ACACB: variants seen among roughly 807,000 people sequenced by gnomAD.
ACACB encodes acetyl-CoA carboxylase 2.
In ACACB, 209 loss-of-function variants were observed where a neutral mutation model predicts 278.8. That is an observed-to-expected ratio of 0.75 (90% CI 0.67 to 0.84). ACACB has a LOEUF of 0.84. Among genes scored for constraint, ACACB ranks in the 40% least tolerant of loss-of-function variants. The probability of loss-of-function intolerance (pLI) is 0.00; values close to 1 mark genes in which losing one functional copy is unlikely to be tolerated. For synonymous variants in ACACB, 1,174 were observed against 1,285.6 expected, an observed-to-expected ratio of 0.91 and a Z score of 1.86; for missense variants, 2,850 against 3,269.0, an observed-to-expected ratio of 0.87 and a Z score of 3.13.
rs1216217057 is a variant in ACACB at position 109,167,621 on chromosome 12, G to GTATATATATATATATATATATATATA, written c.787-267_787-242dup. Among the ~76,000 whole-genome samples the GTATATATATATATATATATATATATA allele has an allele frequency of 1.3e-3, 104 of 77,474 alleles. 2 individuals carry two copies. The highest frequency in any genetic ancestry group is 2.7e-3 in the East Asian group (4 of 1,496). 50.8% of individuals were successfully genotyped at this position (77,474 alleles called of 152,430 possible). On this transcript the variant is annotated intron_variant, in intron 3 of 52. Transcript: ENST00000338432. ...CTCAAAAAAAAAAATATATGTATGT[G>GTATATATATATATATATATATATATA]TATATATATATATATATATATATAT...
chr12:109,167,960 A>G lies in ACACB; in HGVS notation c.851A>G (p.Tyr284Cys), dbSNP rs1224433870. Reference sequence around the variant, plus strand: ...ATGCGCTCCATCCGCAGGTGGGCCTATGAGATGTTCCGCAACGAGCGGGCC... The same window carrying G: ...ATGCGCTCCATCCGCAGGTGGGCCTGTGAGATGTTCCGCAACGAGCGGGCC... ...KCMRSIRRWA[Y>C]EMFRNERAIR... Residue 284 changes from tyrosine (Y) to cysteine (C), a missense_variant, in exon 4 of 53, where the codon TAT becomes TGT. By Grantham distance (194) the Tyr-to-Cys change is radical. Coordinates refer to ENST00000338432, the MANE Select transcript of ACACB (RefSeq NM_001093.4). The G allele has an allele frequency of 3.1e-6, 5 of 1,613,920 alleles. No homozygotes were observed. The highest frequency in any genetic ancestry group is 2.2e-5 in the East Asian group (1 of 44,808).
At chr12:109,112,688 CAAAAAA>C (rs57131257), upstream of ACACB, among the ~76,000 whole-genome samples, 3 of 103,338 alleles carry the variant, frequency 2.9e-5, no homozygotes, top group African/African-American at 3.2e-5. Context: ...AACTCCGTCT[CAAAAAA>C]AAAAAAAAAA....
At chr12:109,118,261 C>T (rs2042455970) in intron 1 of ACACB, among the ~76,000 whole-genome samples, 2 of 152,064 alleles carry the variant, frequency 1.3e-5, no homozygotes, top group South Asian at 2.1e-4. Flanking sequence ...TGTGTAAACT[C>T]GCTCATACTT....
chr12:109,191,718 C>T lies in ACACB; in HGVS notation c.2250C>T (p.Asp750=). ...LLETESFQNN[D]IDTGWLDYLI... Reference sequence around the variant, plus strand: ...AGACCGAGAGCTTCCAGAACAACGACATCGACACCGGGTGGTTGGACTACC... The same window carrying T: ...AGACCGAGAGCTTCCAGAACAACGATATCGACACCGGGTGGTTGGACTACC... Residue 750 remains aspartate (D), a synonymous_variant, in exon 14 of 53, where the codon GAC becomes GAT. Coordinates refer to ENST00000338432, the MANE Select transcript of ACACB (RefSeq NM_001093.4). 2 of 1,614,226 alleles carry T rather than the reference C, an allele frequency of 1.2e-6. No homozygotes were observed. The highest frequency in any genetic ancestry group is 1.7e-6 in the Non-Finnish European group (2 of 1,180,044).
At chr12:109,222,641 C>G (rs765478995) in intron 25 of ACACB, 21 bp downstream of exon 25, 1 of 1,598,966 alleles carries the variant, frequency 6.3e-7, no homozygotes, top group South Asian at 1.1e-5. Flanking sequence ...AGGGTGCGGT[C>G]CCCACGATGT....
At chr12:109,131,707 G>A (rs2042832797) in intron 1 of ACACB, among the ~76,000 whole-genome samples, 1 of 152,176 alleles carries the variant, frequency 6.6e-6, no homozygotes, top group South Asian at 2.1e-4. Flanking sequence ...ACAGGCAGCT[G>A]TTGCTTGGGT....
At chr12:109,183,635 A>G (rs757081223) in intron 11 of ACACB, among the ~76,000 whole-genome samples, 5 of 151,918 alleles carry the variant, frequency 3.3e-5, no homozygotes, top group Non-Finnish European at 5.9e-5. Flanking sequence ...TTGATTTTGT[A>G]TCCTGTAGAT....
intron 11 of ACACB, among the ~76,000 whole-genome samples, chr12:109,183,849 A>G (rs887334187): frequency 6.6e-6 from 1 of 151,834 alleles, no homozygotes; most frequent in African/African-American, 2.4e-5. Context: ...TACGTTGCCC[A>G]GGCTGGTCTC....
intron 7 of ACACB, 116 bp downstream of exon 7, chr12:109,174,346 A>G (rs776481220): frequency 2.5e-5 from 20 of 815,352 alleles, no homozygotes; most frequent in Non-Finnish European, 3.4e-5. Context: ...AATGTTACTT[A>G]CTTTTATTTT....
intron 44 of ACACB, 105 bp from the exon 45 acceptor site, chr12:109,256,035 G>T (rs2047215083): frequency 3.7e-6 from 3 of 807,944 alleles, no homozygotes; most frequent in Non-Finnish European, 6.2e-6. Flanking sequence ...GGGCTATGAG[G>T]TTAAAGCCAG....
chr12:109,261,823 A>G lies in ACACB; in HGVS notation c.6675-534A>G, dbSNP rs572836079. Among the ~76,000 whole-genome samples the G allele has an allele frequency of 6.6e-5, 10 of 150,532 alleles. No individual in the cohort carries two copies. In the South Asian group the frequency reaches 1.9e-3, roughly 29 times the overall value. On this transcript the variant is annotated intron_variant, in intron 48 of 52. Coordinates refer to ENST00000338432, the MANE Select transcript of ACACB (RefSeq NM_001093.4). ...GAGGCAGAGATTGTAGTGAACCGAG[A>G]TAGTGCCACTGCACTCCAGCCTGGG... is the stretch of plus-strand genomic sequence containing the variant.
chr12:109,265,855 G>A (rs1274003445), intron 52 of ACACB, among the ~76,000 whole-genome samples: 1 of 152,272 alleles, frequency 6.6e-6, no homozygotes, highest in Non-Finnish European at 1.5e-5. Flanking sequence ...GGAACCGCTA[G>A]CCTTCAGGCT....
intron 11 of ACACB, 33 bp downstream of exon 11, chr12:109,180,120 T>G: frequency 6.2e-7 from 1 of 1,601,318 alleles, no homozygotes; most frequent in Non-Finnish European, 8.5e-7. Flanking sequence ...CTGGGACTTC[T>G]CTGCCCTGGG....
intron 19 of ACACB, among the ~76,000 whole-genome samples, chr12:109,205,182 G>A (rs994603318): frequency 1.3e-5 from 2 of 152,158 alleles, no homozygotes; most frequent in Non-Finnish European, 2.9e-5. Context: ...AGTTCCCAAA[G>A]CTAGGAATAG....
Position 109,167,621 on chromosome 12 carries a change from G to GCATATATATATATATA in ACACB, c.787-275_787-274insCATATATATATATATA, listed in dbSNP as rs1408673157. 1.1e-3 allele frequency among the ~76,000 whole-genome samples: 82 copies of GCATATATATATATATA among 77,516 alleles called. 3 individuals carry two copies. Among genetic ancestry groups the GCATATATATATATATA allele is most frequent in the African/African-American group, 3.8e-3 (75 of 19,736 alleles). 50.9% of individuals were successfully genotyped at this position (77,516 alleles called of 152,430 possible). A position where few individuals can be genotyped will look rare whatever the true frequency, so the allele number is the denominator to read the frequency against. On this transcript the variant is annotated intron_variant, in intron 3 of 52. Transcript: ENST00000338432. ...CTCAAAAAAAAAAATATATGTATGTGTATATATATATATATATATATATAT... is the reference window on the plus strand; with the variant it reads ...CTCAAAAAAAAAAATATATGTATGTGCATATATATATATATATATATATATATATATATATATATAT...
intron 44 of ACACB, among the ~76,000 whole-genome samples, chr12:109,254,758 G>A (rs934259054): frequency 1.3e-5 from 2 of 150,548 alleles, no homozygotes; most frequent in Non-Finnish European, 2.9e-5. Flanking sequence ...GTTTACACAG[G>A]ATAGGCAATC....
intron 4 of ACACB, among the ~76,000 whole-genome samples, chr12:109,171,293 C>T (rs1437507020): frequency 6.6e-6 from 1 of 152,040 alleles, no homozygotes; most frequent in African/African-American, 2.4e-5. Context: ...CAGGCCTTGT[C>T]CAGAAACATA....
rs1565857162 is a variant in ACACB, at chr12:109,140,232, TTCCTTCC to T, written c.653+176_653+182del. 4.7e-3 allele frequency among the ~76,000 whole-genome samples: 612 copies of T among 129,790 alleles called. 32 individuals carry two copies. Among genetic ancestry groups the T allele is most frequent in the African/African-American group, 0.016 (577 of 36,626 alleles). 85.1% of individuals were successfully genotyped at this position (129,790 alleles called of 152,430 possible). ...CTCAGAAGTTTCCTTCCTTCCTTCC[TTCCTTCC>T]TTCCTTCCTTCCTTCCATCCTTCCT... On this transcript the variant is annotated intron_variant, in intron 2 of 52. Transcript: ENST00000338432.
At chr12:109,247,781 G>A (rs1185402104) in intron 40 of ACACB, 78 bp downstream of exon 40, 10 of 1,224,974 alleles carry the variant, frequency 8.2e-6, no homozygotes, top group Admixed American at 1.7e-5. Context: ...GGCTTGTGGC[G>A]ATATTTTCCA....
Sources: gnomAD v4.1 joint callset for allele counts (sites outside exome capture counted in the v4.1 genomes callset) on GRCh38, gnomAD v4.1.1 for gene constraint, MANE v1.5 for transcripts, NCBI Gene and HGNC (gene_info 2026-07-23, HGNC 2026-07-21) for gene names.